The following ACRBP variants were observed in gnomAD, a reference collection of about 807,000 sequenced individuals.
The protein encoded by ACRBP is acrosin-binding protein.
Under a neutral mutation model 69.0 loss-of-function variants are expected in ACRBP, and 52 were observed. The observed-to-expected ratio is 0.75, with a 90% CI of 0.60 to 0.95. The LOEUF is 0.95. ACRBP is among the 40% of genes least tolerant of loss of function. The pLI is 0.00. For synonymous variants in ACRBP, 267 were observed against 258.9 expected (o/e 1.03, Z -0.30); for missense variants, 604 against 673.0 (o/e 0.90, Z 1.13).
chr12:6,646,723 CAG>C, intron 2 of ACRBP, 69 bp downstream of exon 2: 2 of 1,580,592 alleles, frequency 1.3e-6, no homozygotes, highest in Non-Finnish European at 1.7e-6. Context: ...CACATGAGCA[CAG>C]GGGTTTTTGC....
intron 9 of ACRBP, chr12:6,638,686 C>T (rs1055130816): frequency 4.2e-5 from 60 of 1,420,778 alleles, no homozygotes; most frequent in Middle Eastern, 2.6e-4. Context: ...GAGACCTCAA[C>T]GTCCAAGTCC....
intron 6 of ACRBP, 80 bp downstream of exon 6, chr12:6,643,459 C>G: frequency 6.4e-7 from 1 of 1,555,982 alleles, no homozygotes; most frequent in Non-Finnish European, 8.8e-7. Flanking sequence ...TGCCCATCCT[C>G]CACTCCCATA....
In ACRBP at chr12:6,645,352, G is replaced by T. The variant is rs10849493; in HGVS notation, c.358-15C>A. 3.6e-5 allele frequency: 57 copies of T among 1,591,310 alleles called. 1 individual carries two copies. The South Asian group carries it at 6.0e-4, about 17-fold the overall frequency. On this transcript the variant is annotated splice_polypyrimidine_tract_variant and intron_variant, in intron 3 of 9. Transcript: ENST00000229243. ...CACAGGACTCTCTGCAGGAAGAGAAGGAAAATGGGAAAGCCTTTCCTAAAG... is the reference window on the plus strand; with the variant it reads ...CACAGGACTCTCTGCAGGAAGAGAATGAAAATGGGAAAGCCTTTCCTAAAG...
At chr12:6,643,378 C>T (rs1949066537) in intron 6 of ACRBP, among the ~76,000 whole-genome samples, 161 bp downstream of exon 6, 1 of 152,182 alleles carries the variant, frequency 6.6e-6, no homozygotes, top group African/African-American at 2.4e-5. Flanking sequence ...TTAAAGTGGA[C>T]TGGTAATGCC....
In ACRBP at chr12:6,646,526, T is replaced by C. The variant is rs762752986; in HGVS notation, c.314A>G (p.Gln105Arg). Residue 105 changes from glutamine (Q) to arginine (R), a missense_variant, in exon 3 of 10, where the codon CAG becomes CGG. By Grantham distance (43) the Gln-to-Arg change is conservative (BLOSUM62 1). This residue lies in a region of ACRBP where 532 missense variants were observed against 562.9 expected (regional missense o/e 0.95). Transcript: ENST00000229243. ...GTTGGAGCAACGGTAGTGAGTGAAC[T>C]GGCAGAAAGACTCAAACCAGGAGGC... is the stretch of plus-strand genomic sequence containing the variant. ...PYASWFESFC[Q>R]FTHYRCSNHV... 10 of 1,613,990 alleles carry C rather than the reference T, an allele frequency of 6.2e-6. No homozygotes were observed. Among genetic ancestry groups the C allele is most frequent in the African/African-American group, 1.3e-5 (1 of 74,964 alleles).
At chr12:6,643,484 C>A in intron 6 of ACRBP, 55 bp downstream of exon 6, 2 of 1,604,128 alleles carry the variant, frequency 1.2e-6, no homozygotes, top group Non-Finnish European at 1.7e-6. Flanking sequence ...AGCACAGTGC[C>A]TGGCCAAGAG....
At chr12:6,643,222 C>T (rs538442804) in intron 6 of ACRBP, among the ~76,000 whole-genome samples, 1 of 152,192 alleles carries the variant, frequency 6.6e-6, no homozygotes, top group African/African-American at 2.4e-5. Context: ...CGCACCACTC[C>T]CCTCCAGCCT....
At chr12:6,638,905 C>T (rs1949030624) in intron 9 of ACRBP, 49 bp downstream of exon 9, 1 of 1,604,614 alleles carries the variant, frequency 6.2e-7, no homozygotes, top group African/African-American at 1.3e-5. Flanking sequence ...GTTATGGTGA[C>T]TGATTGAGGG....
rs180852229 is a variant in ACRBP, at chr12:6,638,665, G to A, written c.1510-261C>T. On this transcript the variant is annotated intron_variant, in intron 9 of 9. Coordinates refer to ENST00000229243, the MANE Select transcript of ACRBP (RefSeq NM_032489.3). ...CCAGGCTACTTGGTGAGTAAGAAGA[G>A]GAGACAGACCGAGACCTCAACGTCC... 1.6e-3 allele frequency: 2,252 copies of A among 1,405,174 alleles called. 3 individuals are homozygous for A. The highest frequency in any genetic ancestry group is 2.0e-3 in the Non-Finnish European group (2,170 of 1,075,734). The allele number at this position is 1,405,174 out of a possible 1,614,324, so 87.0% of individuals were successfully genotyped here. A position where few individuals can be genotyped will look rare whatever the true frequency, so the allele number is the denominator to read the frequency against.
At chr12:6,638,596 T>G in intron 9 of ACRBP, 192 bp from the exon 10 acceptor site, 2 of 1,233,006 alleles carry the variant, frequency 1.6e-6, no homozygotes, top group African/African-American at 1.5e-5. Flanking sequence ...ACCCCTTTCA[T>G]GCAGAAACAG....
Position 6,638,098 on chromosome 12 carries a change from G to A in ACRBP, c.*184C>T. 1 of 743,338 alleles carries A rather than the reference G, an allele frequency of 1.3e-6. No individual in the cohort carries two copies. Among genetic ancestry groups the A allele is most frequent in the Non-Finnish European group, 2.1e-6 (1 of 467,858 alleles). 46.0% of individuals were successfully genotyped at this position (743,338 alleles called of 1,614,324 possible). ...GCTGAAGATCAACATTTTATGTAAA[G>A]TCATCTTTTAAGGAGGGCGCAGCTC... On this transcript the variant is annotated 3_prime_UTR_variant, in exon 10 of 10. Transcript: ENST00000229243.
intron 6 of ACRBP, among the ~76,000 whole-genome samples, chr12:6,641,222 A>G (rs1949050558): frequency 6.6e-6 from 1 of 152,158 alleles, no homozygotes; most frequent in African/African-American, 2.4e-5. Flanking sequence ...GGAGTTACCA[A>G]TCTCCCAGCT....
chr12:6,638,722 G>T, intron 9 of ACRBP: 1 of 1,429,010 alleles, frequency 7.0e-7, no homozygotes, highest in Non-Finnish European at 9.1e-7. Flanking sequence ...TTCTTCCTGT[G>T]GTGCTCTTAG....
chr12:6,638,849 C>T (rs1212383861), intron 9 of ACRBP, 105 bp downstream of exon 9: 2 of 1,571,216 alleles, frequency 1.3e-6, no homozygotes, highest in Non-Finnish European at 1.7e-6. Context: ...GCAGGAACCG[C>T]TTTCCACATC....
intron 6 of ACRBP, among the ~76,000 whole-genome samples, chr12:6,642,738 T>C (rs1158670325): frequency 1.3e-5 from 2 of 152,238 alleles, no homozygotes; most frequent in Non-Finnish European, 2.9e-5. Flanking sequence ...AACAGATGAA[T>C]GGATGGTATC....
In ACRBP at chr12:6,647,424, C is replaced by A. The variant is rs1425903471; in HGVS notation, c.-58G>T. Reference sequence around the variant, plus strand: ...ACAAGCCGCCTCTAACGGGCCAAGCCGCAGAGAGAGCCGCAGGCGCGGGGC... The same window carrying A: ...ACAAGCCGCCTCTAACGGGCCAAGCAGCAGAGAGAGCCGCAGGCGCGGGGC... On this transcript the variant is annotated 5_prime_UTR_variant, in exon 1 of 10. Coordinates refer to ENST00000229243, the MANE Select transcript of ACRBP (RefSeq NM_032489.3). 1.4e-6 allele frequency: 2 copies of A among 1,461,894 alleles called. No individual in the cohort carries two copies. The highest frequency in any genetic ancestry group is 2.9e-5 in the African/African-American group (2 of 69,096). The allele number at this position is 1,461,894 out of a possible 1,614,324, so 90.6% of individuals were successfully genotyped here.
At position 6,638,151 on chromosome 12, in the gene ACRBP, C is replaced by A; in HGVS notation, c.*131G>T. On this transcript the variant is annotated 3_prime_UTR_variant, in exon 10 of 10. Coordinates refer to ENST00000229243, the MANE Select transcript of ACRBP (RefSeq NM_032489.3). The stretch of plus-strand genomic sequence containing the variant: ...ACCGTGGCCCTCTCTGGGACTGTTG[C>A]TCCAACCCAAGGAAATGTGAGTAGG... 1 of 1,358,704 alleles carries A rather than the reference C, an allele frequency of 7.4e-7. No homozygotes were observed. Among genetic ancestry groups the A allele is most frequent in the South Asian group, 1.3e-5 (1 of 74,576 alleles). 84.2% of individuals were successfully genotyped at this position (1,358,704 alleles called of 1,614,324 possible).
rs766471960 is a variant in ACRBP, at chr12:6,640,218, G to A, written c.1267C>T (p.Pro423Ser). 1 of 1,614,128 alleles carries A rather than the reference G, an allele frequency of 6.2e-7. No homozygotes were observed. Among genetic ancestry groups the A allele is most frequent in the Non-Finnish European group, 8.5e-7 (1 of 1,180,034 alleles). ...AGCCCGTAAAAGCGGCCTGATTCTG[G>A]GGACCCTACCTGTGGCACAGGAGAT... ...SLSIGNQVGS[P>S]ESGRFYGLDL... The change falls in exon 8 of 10, where the codon CCA becomes TCA. Residue 423 changes from proline (P) to serine (S), a missense_variant. By Grantham distance (74) the Pro-to-Ser change is moderately conservative (BLOSUM62 -1). This residue lies in a region of ACRBP where 532 missense variants were observed against 562.9 expected (regional missense o/e 0.95). Transcript: ENST00000229243. The surrounding 1 kb of genome is among the most constrained non-coding windows in gnomAD (Gnocchi z 5.3).
rs926474172 is a variant in ACRBP, at chr12:6,640,954, G to A, written c.1078-432C>T. 4.6e-5 allele frequency among the ~76,000 whole-genome samples: 7 copies of A among 152,202 alleles called. No individual in the cohort carries two copies. Among genetic ancestry groups the A allele is most frequent in the African/African-American group, 1.4e-4 (6 of 41,446 alleles). ...AATATTTACAAAGAGGTGACCCAGT[G>A]CCAGCACTATGGCTACACATGCTCT... On this transcript the variant is annotated intron_variant, in intron 6 of 9. Transcript: ENST00000229243. This position sits in a 1 kb window ranked among gnomAD's most constrained non-coding sequence, Gnocchi z 5.3.
Sources: allele counts gnomAD v4.1 joint callset (sites outside exome capture counted in the v4.1 genomes callset), GRCh38; gene constraint gnomAD v4.1.1; regional missense constraint gnomAD v4.1.1; non-coding constraint Gnocchi (gnomAD v3.1); transcripts MANE v1.5; gene names NCBI Gene and HGNC (gene_info 2026-07-23, HGNC 2026-07-21).